GALM: variants seen among roughly 807,000 people sequenced by gnomAD.
GALM encodes aldose 1-epimerase.
A neutral mutation model predicts 37.4 loss-of-function variants in GALM; 43 were observed. That is an observed-to-expected ratio of 1.15 (90% CI 0.90 to 1.48). GALM has a LOEUF of 1.48. GALM is among the 40% of genes most tolerant of loss of function. The pLI, the probability that GALM is intolerant of heterozygous loss-of-function variation, is 0.00. For missense variants in GALM, 456 were observed against 419.1 expected (o/e 1.09, Z -0.77); for synonymous variants, 199 against 170.6 (o/e 1.17, Z -1.30).
intron 4 of GALM, among the ~76,000 whole-genome samples, chr2:38,702,167 T>G (rs989330031): frequency 4.0e-5 from 6 of 151,720 alleles, no homozygotes; most frequent in African/African-American, 1.5e-4. Flanking sequence ...TCTGGACAAC[T>G]GCACTCTAAC....
intron 4 of GALM, among the ~76,000 whole-genome samples, chr2:38,694,553 G>C (rs1236923278): frequency 6.6e-6 from 1 of 152,140 alleles, no homozygotes; most frequent in Non-Finnish European, 1.5e-5. Flanking sequence ...AGGTTTTCTT[G>C]AAATTAAAGA....
At chr2:38,690,713 G>T (rs1261536622) in intron 4 of GALM, among the ~76,000 whole-genome samples, 1 of 152,188 alleles carries the variant, frequency 6.6e-6, no homozygotes, top group African/African-American at 2.4e-5. Flanking sequence ...GATTACAGGT[G>T]TAAGCCACTG....
chr2:38,729,292 A>G (rs931508141), intron 4 of GALM, among the ~76,000 whole-genome samples: 4 of 152,112 alleles, frequency 2.6e-5, no homozygotes, highest in Non-Finnish European at 4.4e-5. Context: ...GGCTCAAGCA[A>G]TCCTCCTGCC....
At chr2:38,688,888 T>G (rs1021403554) in intron 3 of GALM, among the ~76,000 whole-genome samples, 11 of 152,164 alleles carry the variant, frequency 7.2e-5, no homozygotes, top group African/African-American at 1.9e-4. Context: ...ACGCGCGATC[T>G]TGGCTCACCG....
chr2:38,727,211 G>A (rs1440824793), intron 4 of GALM, among the ~76,000 whole-genome samples: 6 of 136,452 alleles, frequency 4.4e-5, no homozygotes, highest in Non-Finnish European at 4.7e-5. Flanking sequence ...GTGAGACTCC[G>A]TCTCAAGAAA....
Position 38,666,219 on chromosome 2 carries a change from G to A in GALM, c.58G>A (p.Glu20Lys). The change falls in exon 1 of 7, where the codon GAG (glutamate) becomes AAG (lysine). Residue 20 changes from glutamate to lysine, a missense_variant. By Grantham distance (56) the Glu-to-Lys change is moderately conservative. Transcript: ENST00000272252. ...GELPSGGGTV[E>K]KFQLQSDLLR... is the part of the protein sequence containing the mutation. ...GCTGCCCTCGGGAGGAGGGACAGTG[G>A]AGAAGTTCCAGCTGCAGTCAGACCT... The A allele has an allele frequency of 6.2e-7, 1 of 1,614,098 alleles. No individual in the cohort carries two copies. Among genetic ancestry groups the A allele is most frequent in the Non-Finnish European group, 8.5e-7 (1 of 1,179,972 alleles).
At chr2:38,673,626 C>T (rs1572509865) in intron 1 of GALM, among the ~76,000 whole-genome samples, 2 of 151,944 alleles carry the variant, frequency 1.3e-5, no homozygotes, top group Non-Finnish European at 2.9e-5. Flanking sequence ...CTGGCTAACA[C>T]GGTGAAACCC....
intron 3 of GALM, among the ~76,000 whole-genome samples, chr2:38,686,496 C>T (rs1665542587): frequency 6.6e-6 from 1 of 151,714 alleles, no homozygotes; most frequent in Non-Finnish European, 1.5e-5. Context: ...GATCTCCTGA[C>T]CTCGTGATCC....
At chr2:38,694,161 G>A (rs1044310003) in intron 4 of GALM, among the ~76,000 whole-genome samples, 1 of 152,064 alleles carries the variant, frequency 6.6e-6, no homozygotes, top group African/African-American at 2.4e-5. Context: ...CAATGTGGGT[G>A]AAGAGCAAGA....
At chr2:38,666,830 A>G (rs1475149401) in intron 1 of GALM, among the ~76,000 whole-genome samples, 5 of 152,122 alleles carry the variant, frequency 3.3e-5, no homozygotes, top group Non-Finnish European at 7.3e-5. Flanking sequence ...GAAATGCTCC[A>G]CTAAGCTCAG....
At chr2:38,713,577 C>T (rs1308790283) in intron 4 of GALM, among the ~76,000 whole-genome samples, 2 of 152,026 alleles carry the variant, frequency 1.3e-5, no homozygotes, top group Non-Finnish European at 2.9e-5. Flanking sequence ...CTCAGGAAAA[C>T]AGTGGTTTAG....
chr2:38,683,693 A>C (rs13016907), intron 3 of GALM, among the ~76,000 whole-genome samples: 15,339 of 151,746 alleles, frequency 0.1, 891 homozygotes, highest in South Asian at 0.22. Context: ...CAGCTTCCCT[A>C]GTAGCTGGGA....
chr2:38,696,096 T>C (rs1445059876), intron 4 of GALM, among the ~76,000 whole-genome samples: 1 of 151,884 alleles, frequency 6.6e-6, no homozygotes, highest in Non-Finnish European at 1.5e-5. Context: ...TTATTGTCAC[T>C]ATAACAGTAA....
chr2:38,709,263 G>A (rs533893376), intron 4 of GALM, among the ~76,000 whole-genome samples: 1 of 152,236 alleles, frequency 6.6e-6, no homozygotes, highest in Non-Finnish European at 1.5e-5. Flanking sequence ...TGCCTGTGCA[G>A]GAGAGCAGCA....
chr2:38,706,535 C>A (rs1666039282), intron 4 of GALM, among the ~76,000 whole-genome samples: 1 of 148,246 alleles, frequency 6.7e-6, no homozygotes, highest in Non-Finnish European at 1.5e-5. Context: ...AAAAAATTAG[C>A]CAGGTGCGGT....
Position 38,733,557 on chromosome 2 carries a change from G to A in GALM, c.1021G>A (p.Val341Met), listed in dbSNP as rs1444405032. The A allele has an allele frequency of 1.2e-6, 2 of 1,613,194 alleles. No individual in the cohort carries two copies. The highest frequency in any genetic ancestry group is 2.2e-5 in the East Asian group (1 of 44,878). ...CCACACCACCTGGTTCAAGTTTTCT[G>A]TGGCTTAAGGAAGTGTGAAGATATG... The part of the protein sequence containing the change: ...YDHTTWFKFS[V>M]A The change falls in exon 7 of 7, where the codon GTG becomes ATG. Residue 341 changes from valine to methionine, a missense_variant. Transcript: ENST00000272252.
chr2:38,668,814 A>ATT (rs1558574689), intron 1 of GALM: 4 of 151,774 alleles, frequency 2.6e-5, no homozygotes, highest in African/African-American at 9.7e-5. Flanking sequence ...TTTAAAAAAA[A>ATT]TTTTTTTAAA....
chr2:38,690,392 A>G (rs1479495117), intron 4 of GALM, among the ~76,000 whole-genome samples: 2 of 152,064 alleles, frequency 1.3e-5, no homozygotes, highest in African/African-American at 4.8e-5. Flanking sequence ...CTGGATACTC[A>G]TCTTACACTA....
At chr2:38,681,611 G>T (rs777585841) in intron 3 of GALM, 125 bp downstream of exon 3, 4 of 750,536 alleles carry the variant, frequency 5.3e-6, no homozygotes, top group Non-Finnish European at 6.9e-6. Flanking sequence ...GATGAAAAGG[G>T]CCCAGCAGAG....
Sources: gnomAD v4.1 joint callset for allele counts (sites outside exome capture counted in the v4.1 genomes callset) on GRCh38, gnomAD v4.1.1 for gene constraint, MANE v1.5 for transcripts, NCBI Gene and HGNC (gene_info 2026-07-23, HGNC 2026-07-21) for gene names.